The following IL17RC variants were observed in gnomAD, a reference collection of about 807,000 sequenced individuals.
IL17RC encodes the protein interleukin-17 receptor C.
Under a neutral mutation model 86.7 loss-of-function variants are expected in IL17RC, and 53 were observed. The ratio of observed to expected loss-of-function variants is 0.61; its 90% CI spans 0.49 to 0.77. The LOEUF (loss-of-function observed/expected upper bound fraction) is 0.77. Ranked by LOEUF, IL17RC falls within the 30% of genes least tolerant of loss-of-function variation. The probability of loss-of-function intolerance (pLI) is 0.00; values close to 1 mark genes in which losing one functional copy is unlikely to be tolerated. For synonymous variants in IL17RC, 439 were observed against 413.1 expected, an observed-to-expected ratio of 1.06 and a Z score of -0.76; for missense variants, 957 against 940.0, an observed-to-expected ratio of 1.02 and a Z score of -0.24.
At chr3:9,928,268 G>A (rs1359923286) in intron 10 of IL17RC, 37 bp from the exon 11 acceptor site, 2 of 1,613,698 alleles carry the variant, frequency 1.2e-6, no homozygotes, top group South Asian at 1.1e-5. Context: ...CGAGCGATGG[G>A]TACCTGGCCT....
In IL17RC at chr3:9,930,424, T is replaced by C. The variant is rs747420393; in HGVS notation, c.1303T>C (p.Leu435=). Reference sequence around the variant, plus strand: ...GAGGGCAGCTCGCCTTGGAGAGTACTTACTACAAGACCTGCAGTCAGGCCA... The same window carrying C: ...GAGGGCAGCTCGCCTTGGAGAGTACCTACTACAAGACCTGCAGTCAGGCCA... ...STRAARLGEY[L]LQDLQSGQCL... is the part of the protein sequence containing the mutation. The change falls in exon 15 of 19, where the codon TTA becomes CTA. Residue 435 remains leucine (L), a synonymous_variant. Coordinates refer to ENST00000403601, the MANE Select transcript of IL17RC (RefSeq NM_153460.4). The surrounding 1 kb of genome is among the most constrained non-coding windows in gnomAD (Gnocchi z 5.8). 33 of 1,613,968 alleles carry C rather than the reference T, an allele frequency of 2.0e-5. No individual in the cohort carries two copies. The highest frequency in any genetic ancestry group is 3.3e-5 in the South Asian group (3 of 91,078).
intron 9 of IL17RC, among the ~76,000 whole-genome samples, chr3:9,924,591 G>A (rs1329501742): frequency 1.3e-5 from 2 of 152,198 alleles, no homozygotes; most frequent in East Asian, 1.9e-4. Flanking sequence ...TGTTCCCCTG[G>A]CGGGCAGAGC....
Position 9,928,214 on chromosome 3 carries a change from A to G in IL17RC, c.871A>G (p.Arg291Gly), listed in dbSNP as rs999635399. The G allele has an allele frequency of 1.2e-6, 2 of 1,611,804 alleles. No individual in the cohort carries two copies. Among genetic ancestry groups the G allele is most frequent in the East Asian group, 2.2e-5 (1 of 44,584 alleles). Reference sequence around the variant, plus strand: ...CGTTAGGACGAACATCTGCCCCTTCAGGGAGGGTGAGCCGACCGGCCTGGG... The same window carrying G: ...CGTTAGGACGAACATCTGCCCCTTCGGGGAGGGTGAGCCGACCGGCCTGGG... The part of the protein sequence containing the change: ...DSVRTNICPF[R>G]EDPRAHQNLW... Residue 291 changes from arginine to glycine, a missense_variant, in exon 10 of 19, where the codon AGG becomes GGG. Arg to Gly is a moderately radical substitution (Grantham distance 125). Transcript: ENST00000403601.
rs1277422114 is a variant in IL17RC at position 9,917,925 on chromosome 3, A to G, written c.130A>G (p.Ser44Gly). 1.2e-6 allele frequency: 2 copies of G among 1,613,170 alleles called. No homozygotes were observed. The highest frequency in any genetic ancestry group is 1.3e-5 in the African/African-American group (1 of 74,920). ...SPGLSCRLWD[S>G]DILCLPGDIV... ...CCCACCCGCTCCTCCACACACAGAC[A>G]GTGACATACTCTGCCTGCCTGGGGA... Residue 44 changes from serine to glycine, a missense_variant and splice_region_variant, in exon 3 of 19, where the codon AGT becomes GGT. By Grantham distance (56) the Ser-to-Gly change is moderately conservative. Transcript: ENST00000403601.
At chr3:9,927,292 CTCACACCTGTAATCCCAGCACTT>C (rs2084174271) in intron 9 of IL17RC, among the ~76,000 whole-genome samples, 1 of 152,206 alleles carries the variant, frequency 6.6e-6, no homozygotes, top group African/African-American at 2.4e-5. Flanking sequence ...GGCACAGTGG[CTCACACCTGTAATCCCAGCACTT>C]TGGGAGGCCA....
intron 9 of IL17RC, among the ~76,000 whole-genome samples, chr3:9,927,319 G>T (rs1268782992): frequency 6.6e-6 from 1 of 152,040 alleles, no homozygotes; most frequent in Non-Finnish European, 1.5e-5. Context: ...AGCACTTTGG[G>T]AGGCCAAGGT....
chr3:9,917,828 G>A (rs1468675387), intron 2 of IL17RC, 94 bp downstream of exon 2: 8 of 1,607,964 alleles, frequency 5.0e-6, no homozygotes, highest in Non-Finnish European at 6.0e-6. Flanking sequence ...CCTCAGCCTA[G>A]GACAGCCAAG....
rs1342476435 is a variant in IL17RC, at chr3:9,918,407, A to G, written c.353A>G (p.Asn118Ser). 1.2e-6 allele frequency: 2 copies of G among 1,612,714 alleles called. No homozygotes were observed. Among genetic ancestry groups the G allele is most frequent in the South Asian group, 2.2e-5 (2 of 90,884 alleles). Residue 118 changes from asparagine to serine, a missense_variant and splice_region_variant, in exon 4 of 19, where the codon AAT (asparagine) becomes AGT (serine). By Grantham distance (46) the Asn-to-Ser change is conservative (BLOSUM62 1). Transcript: ENST00000403601. ...AADSGVEEPR[N>S]ASLQAQVVLS... The stretch of plus-strand genomic sequence containing the variant: ...GACTCAGGGGTGGAGGAGCCTAGGA[A>G]TGGTGAGGAGAACCTGGCTGGCCCA...
At chr3:9,928,660 G>C in intron 12 of IL17RC, 30 bp downstream of exon 12, 2 of 1,612,574 alleles carry the variant, frequency 1.2e-6, no homozygotes, top group Non-Finnish European at 1.7e-6. Flanking sequence ...TGCTGGGCTG[G>C]AGGCTGGACC....
intron 9 of IL17RC, among the ~76,000 whole-genome samples, chr3:9,927,311 C>A (rs1420860409): frequency 6.6e-6 from 1 of 152,166 alleles, no homozygotes; most frequent in Non-Finnish European, 1.5e-5. Context: ...GTAATCCCAG[C>A]ACTTTGGGAG....
chr3:9,930,939 C>T lies in IL17RC; in HGVS notation c.1383C>T (p.Asp461=), dbSNP rs775281911. The T allele has an allele frequency of 9.9e-6, 16 of 1,613,512 alleles. No homozygotes were observed. The Middle Eastern group carries it at 4.9e-4, about 50-fold the overall frequency. Reference sequence around the variant, plus strand: ...GAGCGCTATGGGCCTGCCCCATGGACAAATGTGAGTATTGTAAGAACTGCC... The same window carrying T: ...GAGCGCTATGGGCCTGCCCCATGGATAAATGTGAGTATTGTAAGAACTGCC... ...DLGALWACPM[D]KYIHKRWALV... Residue 461 remains aspartate (D), a synonymous_variant, in exon 16 of 19, where the codon GAC becomes GAT. Transcript: ENST00000403601. This position sits in a 1 kb window ranked among gnomAD's most constrained non-coding sequence, Gnocchi z 5.8.
chr3:9,929,188 C>T (rs1441685216), intron 12 of IL17RC: 2 of 155,284 alleles, frequency 1.3e-5, no homozygotes, highest in African/African-American at 4.8e-5. Context: ...GTGGTGGGCA[C>T]CTGTAGTCCC....
Position 9,933,308 on chromosome 3 carries a change from C to T in IL17RC, c.1878C>T (p.Pro626=), listed in dbSNP as rs368309256. The part of the protein sequence containing the change: ...VLPDFLQGRA[P]GSYVGACFDR... Reference sequence around the variant, plus strand: ...CCGACTTCTTGCAGGGCCGGGCGCCCGGCAGCTACGTGGGGGCCTGCTTCG... The same window carrying T: ...CCGACTTCTTGCAGGGCCGGGCGCCTGGCAGCTACGTGGGGGCCTGCTTCG... Residue 626 remains proline (P), a synonymous_variant, in exon 19 of 19, where the codon CCC becomes CCT. Transcript: ENST00000403601. 3.3e-5 allele frequency: 53 copies of T among 1,604,966 alleles called. No homozygotes were observed. The highest frequency in any genetic ancestry group is 4.2e-5 in the Non-Finnish European group (49 of 1,175,878).
At chr3:9,928,068 G>C in intron 9 of IL17RC, 98 bp from the exon 10 acceptor site, 1 of 1,161,314 alleles carries the variant, frequency 8.6e-7, no homozygotes, top group South Asian at 1.3e-5. Context: ...GCAAGTGTTT[G>C]TGAAATACCT....
At chr3:9,923,299 C>A (rs1295354594) in intron 7 of IL17RC, among the ~76,000 whole-genome samples, 1 of 1,620 alleles carries the variant, frequency 6.2e-4, no homozygotes, top group Non-Finnish European at 1.0e-3. Flanking sequence ...GTCTGCAATC[C>A]CAGCACTTTG....
intron 9 of IL17RC, among the ~76,000 whole-genome samples, chr3:9,924,610 C>T (rs1054206591): frequency 3.9e-5 from 6 of 152,212 alleles, no homozygotes; most frequent in Admixed American, 1.3e-4. Context: ...GCATGTGCTA[C>T]GAACTTGGAC....
chr3:9,929,635 G>A, intron 12 of IL17RC: 1 of 615,404 alleles, frequency 1.6e-6, no homozygotes. Flanking sequence ...AACAGCTTTA[G>A]GGTCAGAAGA....
At chr3:9,920,321 G>T in intron 5 of IL17RC, 170 bp from the exon 6 acceptor site, 1 of 576,740 alleles carries the variant, frequency 1.7e-6, no homozygotes, top group East Asian at 2.8e-5. Context: ...TTAGAATTGA[G>T]GCCCCTTGAA....
At position 9,933,614 on chromosome 3, in the gene IL17RC, T is replaced by A; in HGVS notation, c.*21T>A. ...CTTAAATAAAGGCAGACGCTGTTTT[T>A]CTACCCATGTGGCCCACACGCGTCT... On this transcript the variant is annotated 3_prime_UTR_variant, in exon 19 of 19. Transcript: ENST00000403601. 1 of 1,549,308 alleles carries A rather than the reference T, an allele frequency of 6.5e-7. No homozygotes were observed. The highest frequency in any genetic ancestry group is 8.7e-7 in the Non-Finnish European group (1 of 1,151,460).
Sources: gnomAD v4.1 joint callset for allele counts (sites outside exome capture counted in the v4.1 genomes callset) on GRCh38, gnomAD v4.1.1 for gene constraint, Gnocchi (gnomAD v3.1) non-coding constraint, MANE v1.5 for transcripts, NCBI Gene and HGNC (gene_info 2026-07-23, HGNC 2026-07-21) for gene names.